DDX25: variants seen among roughly 807,000 people sequenced by gnomAD.
DDX25 encodes DEAD-box helicase 25.
A neutral mutation model predicts 64.6 loss-of-function variants in DDX25; 70 were observed. That is an observed-to-expected ratio of 1.08 (90% confidence interval 0.89 to 1.32). The LOEUF (loss-of-function observed/expected upper bound fraction) is 1.32. DDX25 is among the 40% of genes most tolerant of loss of function. The probability of loss-of-function intolerance (pLI) is 0.00; values close to 1 mark genes in which losing one functional copy is unlikely to be tolerated. For missense variants in DDX25, 587 were observed against 604.4 expected (o/e 0.97, Z 0.30); for synonymous variants, 211 against 213.3 (o/e 0.99, Z 0.09).
chr11:125,917,300 C>T (rs756459929), intron 9 of DDX25, 49 bp downstream of exon 9: 35 of 1,526,232 alleles, frequency 2.3e-5, no homozygotes, highest in Admixed American at 5.9e-5. Flanking sequence ...GCCTACAGGC[C>T]GAGGTGGGGG....
intron 10 of DDX25, among the ~76,000 whole-genome samples, chr11:125,920,806 G>A (rs138367442): frequency 1.3e-5 from 2 of 152,218 alleles, no homozygotes; most frequent in African/African-American, 4.8e-5. Flanking sequence ...GCCCCATGAC[G>A]GGCAAGCGGG....
At chr11:125,915,130 A>C (rs1175335493) in intron 8 of DDX25, among the ~76,000 whole-genome samples, 1 of 152,212 alleles carries the variant, frequency 6.6e-6, no homozygotes, top group African/African-American at 2.4e-5. Context: ...TTTCTAAGAA[A>C]GTCTCTTTTA....
At position 125,921,378 on chromosome 11, in the gene DDX25, T is replaced by C. The variant is rs369944445; in HGVS notation, c.1389T>C (p.Phe463=). 1 of 1,613,132 alleles carries C rather than the reference T, an allele frequency of 6.2e-7. No individual in the cohort carries two copies. Among genetic ancestry groups the C allele is most frequent in the Non-Finnish European group, 8.5e-7 (1 of 1,179,496 alleles). The stretch of plus-strand genomic sequence containing the variant: ...CGCTCATGAAAATCCAGGACCACTT[T>C]AGTAAGTAGCACCACCCTCACAATA... The part of the protein sequence containing the change: ...LPSLMKIQDH[F]NSSIKQLNAE... Residue 463 remains phenylalanine (F), a splice_region_variant and synonymous_variant, in exon 11 of 12, where the codon TTT becomes TTC. Coordinates refer to ENST00000263576, the MANE Select transcript of DDX25 (RefSeq NM_013264.5). The surrounding 1 kb of genome is among the most constrained non-coding windows in gnomAD (Gnocchi z 4.1).
chr11:125,918,472 C>T (rs1483518080), intron 9 of DDX25, among the ~76,000 whole-genome samples, 156 bp from the exon 10 acceptor site: 2 of 152,124 alleles, frequency 1.3e-5, no homozygotes, highest in East Asian at 3.9e-4. Flanking sequence ...GGATGCCCTG[C>T]CACATTTTAA....
chr11:125,908,458 G>T lies in DDX25; in HGVS notation c.462G>T (p.Val154=), dbSNP rs571626979. 6.2e-7 allele frequency: 1 copy of T among 1,613,976 alleles called. No homozygotes were observed. The highest frequency in any genetic ancestry group is 1.7e-5 in the Admixed American group (1 of 60,030). The change falls in exon 6 of 12, where the codon GTG becomes GTT. Residue 154 remains valine (V), a synonymous_variant. Coordinates refer to ENST00000263576, the MANE Select transcript of DDX25 (RefSeq NM_013264.5). ...GAACAGGAAAGACAGCGGCATTTGT[G>T]TTGGCAATGTTAAGCAGAGTTAATG... The part of the protein sequence containing the change: ...QSGTGKTAAF[V]LAMLSRVNAL...
chr11:125,908,647 G>T, intron 6 of DDX25, 144 bp downstream of exon 6: 1 of 902,260 alleles, frequency 1.1e-6, no homozygotes, highest in East Asian at 2.6e-5. Context: ...ATAGAGCATT[G>T]GGTAGCAGCA....
intron 4 of DDX25, 148 bp downstream of exon 4, chr11:125,906,357 TC>T: frequency 1.9e-6 from 2 of 1,076,152 alleles, no homozygotes; most frequent in Non-Finnish European, 2.5e-6. Flanking sequence ...TCTCACTCTG[TC>T]CCCCAGGCTG....
At chr11:125,915,859 A>G (rs1052993418) in intron 8 of DDX25, among the ~76,000 whole-genome samples, 1 of 152,166 alleles carries the variant, frequency 6.6e-6, no homozygotes, top group African/African-American at 2.4e-5. Context: ...AGCTTCATCC[A>G]CTTTCTCATT....
chr11:125,910,612 T>C, intron 7 of DDX25, 134 bp downstream of exon 7: 4 of 777,674 alleles, frequency 5.1e-6, no homozygotes, highest in Non-Finnish European at 8.4e-6. Context: ...AGAGTTGTTA[T>C]TAGAATTGAG....
chr11:125,917,071 G>A lies in DDX25; in HGVS notation c.858G>A (p.Val286=), dbSNP rs1341832032. ...TTTCAGCAACCTTTGAGGACTCTGT[G>A]TGGCACTTTGCTGAGCGAATCATCC... ...LLFSATFEDS[V]WHFAERIIPD... is the part of the protein sequence containing the mutation. Residue 286 remains valine (V), a synonymous_variant, in exon 9 of 12, where the codon GTG becomes GTA. Coordinates refer to ENST00000263576, the MANE Select transcript of DDX25 (RefSeq NM_013264.5). The A allele has an allele frequency of 6.2e-7, 1 of 1,609,708 alleles. No individual in the cohort carries two copies. The highest frequency in any genetic ancestry group is 8.5e-7 in the Non-Finnish European group (1 of 1,178,358).
rs1944848222 is a variant in DDX25, at chr11:125,904,531, T to C, written c.14T>C (p.Leu5Pro). The C allele has an allele frequency of 4.7e-6, 7 of 1,495,842 alleles. No individual in the cohort carries two copies. Among genetic ancestry groups the C allele is most frequent in the Non-Finnish European group, 5.3e-6 (6 of 1,123,402 alleles). The allele number at this position is 1,495,842 out of a possible 1,614,324, so 92.7% of individuals were successfully genotyped here. A position where few individuals can be genotyped will look rare whatever the true frequency, so the allele number is the denominator to read the frequency against. MASL[L>P]WGGDAGAAES... is the part of the protein sequence containing the mutation. The stretch of plus-strand genomic sequence containing the variant: ...GCAATCGCAGCCATGGCGTCGTTAC[T>C]GTGGGGAGGCGACGCAGGGGCGGCG... Residue 5 changes from leucine to proline, a missense_variant, in exon 1 of 12, where the codon CTG becomes CCG. Transcript: ENST00000263576.
At chr11:125,920,781 C>T (rs1025649861) in intron 10 of DDX25, among the ~76,000 whole-genome samples, 27 of 152,094 alleles carry the variant, frequency 1.8e-4, no homozygotes, top group African/African-American at 5.6e-4. Context: ...AGCCATGAAA[C>T]GGAGCAGAGC....
chr11:125,905,654 T>G (rs1393933268), intron 3 of DDX25, 57 bp downstream of exon 3: 1 of 1,487,708 alleles, frequency 6.7e-7, no homozygotes. Context: ...GTTTATAACT[T>G]TAATAGTGTG....
rs1945119986 is a variant in DDX25, at chr11:125,921,870, A to C, written c.1390+491A>C. ...CACAACTGCACTCCAGCCTGGCGAA[A>C]GAGTGAGACTGCGTCTCAAAAAAAT... On this transcript the variant is annotated intron_variant, in intron 11 of 11. Coordinates refer to ENST00000263576, the MANE Select transcript of DDX25 (RefSeq NM_013264.5). This position sits in a 1 kb window ranked among gnomAD's most constrained non-coding sequence, Gnocchi z 4.1. The C allele has an allele frequency of 6.5e-6, 1 of 153,260 alleles. No homozygotes were observed. The highest frequency in any genetic ancestry group is 2.4e-5 in the African/African-American group (1 of 41,464). 9.5% of individuals were successfully genotyped at this position (153,260 alleles called of 1,614,324 possible). A position where few individuals can be genotyped will look rare whatever the true frequency, so the allele number is the denominator to read the frequency against.
At chr11:125,912,854 T>A (rs1394800848) in intron 8 of DDX25, among the ~76,000 whole-genome samples, 1 of 152,058 alleles carries the variant, frequency 6.6e-6, no homozygotes, top group African/African-American at 2.4e-5. Context: ...TAAAATAAAA[T>A]TTAAAAATCC....
At chr11:125,919,134 C>A in intron 10 of DDX25, among the ~76,000 whole-genome samples, 1 of 152,110 alleles carries the variant, frequency 6.6e-6, no homozygotes, top group East Asian at 1.9e-4. Flanking sequence ...CATGCACCAG[C>A]AGTTCATTTC....
chr11:125,928,245 A>G lies in DDX25; in HGVS notation c.*5364A>G, dbSNP rs1009273171. On this transcript the variant is annotated 3_prime_UTR_variant, in exon 12 of 12. Coordinates refer to ENST00000263576, the MANE Select transcript of DDX25 (RefSeq NM_013264.5). ...AACATCTGTGGTTAATTATAGTATTATATCTTTTTATTTGAAACATTCAAG... is the reference window on the plus strand; with the variant it reads ...AACATCTGTGGTTAATTATAGTATTGTATCTTTTTATTTGAAACATTCAAG... 7 of 152,176 alleles carry G rather than the reference A, an allele frequency of 4.6e-5. No individual in the cohort carries two copies. Among genetic ancestry groups the G allele is most frequent in the African/African-American group, 1.7e-4 (7 of 41,442 alleles). The allele number at this position is 152,176 out of a possible 1,614,324, so 9.4% of individuals were successfully genotyped here. A position where few individuals can be genotyped will look rare whatever the true frequency, so the allele number is the denominator to read the frequency against.
At chr11:125,905,965 A>G (rs1944878447) in intron 3 of DDX25, 109 bp from the exon 4 acceptor site, 1 of 1,352,566 alleles carries the variant, frequency 7.4e-7, no homozygotes, top group South Asian at 1.6e-5. Flanking sequence ...TAGAGGAAAA[A>G]TGAGCGTAGG....
chr11:125,913,170 A>C (rs1452192774), intron 8 of DDX25, among the ~76,000 whole-genome samples: 3 of 151,936 alleles, frequency 2.0e-5, no homozygotes, highest in Non-Finnish European at 2.9e-5. Flanking sequence ...AAAAAAAAAA[A>C]AAAAACCATC....
Sources: allele counts gnomAD v4.1 joint callset (sites outside exome capture counted in the v4.1 genomes callset), GRCh38; gene constraint gnomAD v4.1.1; non-coding constraint Gnocchi (gnomAD v3.1); transcripts MANE v1.5; gene names NCBI Gene and HGNC (gene_info 2026-07-23, HGNC 2026-07-21).